SYNPO2: variants seen among roughly 807,000 people sequenced by gnomAD.
SYNPO2 encodes synaptopodin 2.
In SYNPO2, 56 loss-of-function variants were observed where a neutral mutation model predicts 85.0. That is an observed-to-expected ratio of 0.66 (90% confidence interval 0.53 to 0.82). The LOEUF (loss-of-function observed/expected upper bound fraction) is 0.82. Ranked by LOEUF, SYNPO2 falls within the 40% of genes least tolerant of loss-of-function variation. The pLI, the probability that SYNPO2 is intolerant of heterozygous loss-of-function variation, is 0.00. For missense variants in SYNPO2, 1,575 were observed against 1,534.2 expected (o/e 1.03, Z -0.44); for synonymous variants, 602 against 591.1 (o/e 1.02, Z -0.27).
chr4:118,959,408 C>T (rs1245795912), intron 1 of SYNPO2, among the ~76,000 whole-genome samples: 1 of 152,150 alleles, frequency 6.6e-6, no homozygotes. Context: ...AAAAACTTGG[C>T]ACAAAATAAA....
At chr4:118,915,079 T>C (rs1354300501) in intron 1 of SYNPO2, among the ~76,000 whole-genome samples, 3 of 151,736 alleles carry the variant, frequency 2.0e-5, no homozygotes, top group Non-Finnish European at 4.4e-5. Context: ...ATTTGAGCCA[T>C]AGATCATGAA....
chr4:118,872,251 G>A (rs778088186), intron 1 of SYNPO2, among the ~76,000 whole-genome samples: 1 of 152,048 alleles, frequency 6.6e-6, no homozygotes, highest in Non-Finnish European at 1.5e-5. Flanking sequence ...TTATAGAAAC[G>A]GGAGCATAGG....
At chr4:118,988,295 A>G (rs542985287) in intron 1 of SYNPO2, among the ~76,000 whole-genome samples, 1 of 152,140 alleles carries the variant, frequency 6.6e-6, no homozygotes, top group East Asian at 1.9e-4. Context: ...TGTTTTTATG[A>G]AAACCAATAA....
At chr4:118,924,634 T>C (rs1451740545) in intron 1 of SYNPO2, among the ~76,000 whole-genome samples, 1 of 152,204 alleles carries the variant, frequency 6.6e-6, no homozygotes, top group Non-Finnish European at 1.5e-5. Context: ...GGCCCTATCC[T>C]GAGATATATG....
rs141419626 is a variant in SYNPO2, at chr4:118,947,704, A to T, written c.105+58563A>T. On this transcript the variant is annotated intron_variant, in intron 1 of 4. Coordinates refer to ENST00000307142, the MANE Select transcript of SYNPO2 (RefSeq NM_133477.3). ...CTGTTTCGAACCATATGTAAAATTA[A>T]ATCAACAATGAGAACAACTTAAGAA... Among the ~76,000 whole-genome samples, 332 of 152,368 alleles carry T rather than the reference A, an allele frequency of 2.2e-3. 3 individuals carry two copies. Among genetic ancestry groups the T allele is most frequent in the African/African-American group, 6.8e-3 (284 of 41,584 alleles).
At chr4:118,917,570 ATTC>A (rs1046332831) in intron 1 of SYNPO2, among the ~76,000 whole-genome samples, 46 of 152,314 alleles carry the variant, frequency 3.0e-4, no homozygotes, top group African/African-American at 9.6e-4. Flanking sequence ...TAATTTTTGA[ATTC>A]TTCTTCTGTA....
At chr4:119,018,391 G>A (rs1196087791) in intron 1 of SYNPO2, among the ~76,000 whole-genome samples, 1 of 152,122 alleles carries the variant, frequency 6.6e-6, no homozygotes, top group Non-Finnish European at 1.5e-5. Context: ...ATTGTGAATA[G>A]TGCTGCAATA....
chr4:118,979,071 C>A (rs774151812), intron 1 of SYNPO2, among the ~76,000 whole-genome samples: 9 of 152,164 alleles, frequency 5.9e-5, no homozygotes, highest in Admixed American at 2.0e-4. Flanking sequence ...CGGCCTCTTT[C>A]GCTTTCCAAT....
intron 1 of SYNPO2, among the ~76,000 whole-genome samples, chr4:119,010,914 G>C (rs1425798291): frequency 2.0e-5 from 3 of 152,200 alleles, no homozygotes; most frequent in Non-Finnish European, 4.4e-5. Context: ...AGTGAAGAGA[G>C]AGAGTAGCTG....
intron 1 of SYNPO2, among the ~76,000 whole-genome samples, chr4:118,905,890 G>A (rs1341761271): frequency 6.6e-6 from 1 of 152,144 alleles, no homozygotes; most frequent in East Asian, 1.9e-4. Context: ...TTATTGTTTT[G>A]ATATAGCTAA....
intron 1 of SYNPO2, among the ~76,000 whole-genome samples, chr4:118,900,729 A>G (rs200103905): frequency 0.11 from 10,016 of 92,802 alleles, 650 homozygotes; most frequent in Non-Finnish European, 0.13. Flanking sequence ...ATATATATAT[A>G]TATGTCTGTC....
intron 1 of SYNPO2, among the ~76,000 whole-genome samples, chr4:118,854,017 T>C (rs1051327330): frequency 3.3e-5 from 5 of 152,188 alleles, no homozygotes; most frequent in African/African-American, 1.2e-4. Flanking sequence ...CAATAAACTC[T>C]CCTGGCAGCA....
At chr4:118,880,563 G>A (rs1043270901) in intron 1 of SYNPO2, among the ~76,000 whole-genome samples, 20 of 151,804 alleles carry the variant, frequency 1.3e-4, no homozygotes, top group Non-Finnish European at 2.1e-4. Flanking sequence ...GCCTGGCCAA[G>A]ATGGTGAAAC....
chr4:118,997,739 G>A (rs377479026), intron 1 of SYNPO2, among the ~76,000 whole-genome samples: 2 of 152,108 alleles, frequency 1.3e-5, no homozygotes, highest in East Asian at 3.8e-4. Context: ...TACTTTTATG[G>A]GCACTGTTTG....
intron 1 of SYNPO2, among the ~76,000 whole-genome samples, chr4:118,960,499 G>C (rs1735041355): frequency 6.6e-6 from 1 of 152,006 alleles, no homozygotes; most frequent in South Asian, 2.1e-4. Context: ...CCTGTGGCAG[G>C]AAACTAATAT....
chr4:118,861,963 C>T (rs1418099304), intron 1 of SYNPO2, among the ~76,000 whole-genome samples: 1 of 152,126 alleles, frequency 6.6e-6, no homozygotes, highest in East Asian at 1.9e-4. Context: ...TTGATTCTTC[C>T]AATCCATGAA....
At chr4:119,014,891 G>A (rs532866951) in intron 1 of SYNPO2, among the ~76,000 whole-genome samples, 27 of 152,180 alleles carry the variant, frequency 1.8e-4, no homozygotes, top group Non-Finnish European at 3.1e-4. Flanking sequence ...TGGCTGGGAA[G>A]GCAGATATTA....
At chr4:118,971,758 T>C (rs1246180860) in intron 1 of SYNPO2, among the ~76,000 whole-genome samples, 1 of 152,224 alleles carries the variant, frequency 6.6e-6, no homozygotes, top group Non-Finnish European at 1.5e-5. Flanking sequence ...GCAGTAACCA[T>C]GGTCTCTGAA....
chr4:118,908,409 T>A (rs1733012674), intron 1 of SYNPO2, among the ~76,000 whole-genome samples: 3 of 152,182 alleles, frequency 2.0e-5, no homozygotes, highest in African/African-American at 7.2e-5. Context: ...CTAAACATTT[T>A]AAAATATTAA....
Sources: gnomAD v4.1 joint callset for allele counts (sites outside exome capture counted in the v4.1 genomes callset) on GRCh38, gnomAD v4.1.1 for gene constraint, MANE v1.5 for transcripts, NCBI Gene and HGNC (gene_info 2026-07-23, HGNC 2026-07-21) for gene names.